Variants in RGS7 observed in about 807,000 individuals in gnomAD.
RGS7 encodes regulator of G-protein signaling 7.
A neutral mutation model predicts 81.1 loss-of-function variants in RGS7; 27 were observed. The observed-to-expected ratio is 0.33, with a 90% CI of 0.25 to 0.46. The LOEUF (loss-of-function observed/expected upper bound fraction) is 0.46. Ranked by LOEUF, RGS7 falls within the 20% of genes least tolerant of loss-of-function variation. The probability of loss-of-function intolerance (pLI) is 1.00; values close to 1 mark genes in which losing one functional copy is unlikely to be tolerated. For synonymous variants in RGS7, 208 were observed against 207.7 expected (o/e 1.00, Z -0.01); for missense variants, 396 against 607.4 (o/e 0.65, Z 3.66).
At chr1:241,300,844 C>T (rs1349591276) in intron 2 of RGS7, among the ~76,000 whole-genome samples, 1 of 152,208 alleles carries the variant, frequency 6.6e-6, no homozygotes, top group Non-Finnish European at 1.5e-5. Flanking sequence ...AAGTTTTCTT[C>T]CAAAGTGGCT....
intron 2 of RGS7, among the ~76,000 whole-genome samples, chr1:241,310,687 C>G (rs1340312532): frequency 1.3e-5 from 2 of 152,058 alleles, no homozygotes; most frequent in African/African-American, 4.8e-5. Context: ...ATAGCAGTGA[C>G]TGATGAGTGA....
At chr1:241,180,062 T>A (rs1201641187) in intron 2 of RGS7, among the ~76,000 whole-genome samples, 2 of 152,086 alleles carry the variant, frequency 1.3e-5, no homozygotes, top group Non-Finnish European at 2.9e-5. Context: ...ATATGAATCT[T>A]CAGTGGAATC....
At chr1:240,985,139 A>G (rs548551862) in intron 3 of RGS7, among the ~76,000 whole-genome samples, 19 of 152,324 alleles carry the variant, frequency 1.2e-4, no homozygotes, top group African/African-American at 4.1e-4. Context: ...CGATCTTCCC[A>G]TTGAAAAAGA....
chr1:241,042,183 A>G (rs12085204), intron 3 of RGS7, among the ~76,000 whole-genome samples: 10,753 of 152,252 alleles, frequency 0.071, 584 homozygotes, highest in African/African-American at 0.14. Context: ...CATATGTATC[A>G]TCTCTTAACT....
At chr1:241,219,418 T>C (rs546776469) in intron 2 of RGS7, among the ~76,000 whole-genome samples, 11 of 152,318 alleles carry the variant, frequency 7.2e-5, no homozygotes, top group African/African-American at 2.6e-4. Flanking sequence ...CATGGAACTG[T>C]AAGTCCAATT....
intron 5 of RGS7, among the ~76,000 whole-genome samples, chr1:240,933,626 C>T (rs1300690870): frequency 1.3e-5 from 2 of 151,936 alleles, no homozygotes; most frequent in Non-Finnish European, 2.9e-5. Context: ...TTCTACCATA[C>T]ATTAGGACAT....
intron 2 of RGS7, among the ~76,000 whole-genome samples, chr1:241,158,066 G>T (rs549833905): frequency 6.6e-6 from 1 of 151,580 alleles, no homozygotes; most frequent in African/African-American, 2.4e-5. Context: ...TGATCCGCCC[G>T]CCTCAGTCTC....
intron 2 of RGS7, among the ~76,000 whole-genome samples, chr1:241,243,207 T>C (rs781204567): frequency 6.6e-6 from 1 of 152,236 alleles, no homozygotes; most frequent in African/African-American, 2.4e-5. Flanking sequence ...TCACATTGCA[T>C]GTCAGATATT....
intron 18 of RGS7, among the ~76,000 whole-genome samples, chr1:240,788,256 T>C (rs936906710): frequency 6.6e-6 from 1 of 152,226 alleles, no homozygotes; most frequent in Admixed American, 6.5e-5. Flanking sequence ...AAATGCAGTA[T>C]GCCATATATT....
At chr1:241,296,827 C>A (rs2079454265) in intron 2 of RGS7, among the ~76,000 whole-genome samples, 1 of 152,210 alleles carries the variant, frequency 6.6e-6, no homozygotes, top group Admixed American at 6.5e-5. Context: ...ATGATGAAAT[C>A]TGTCATGCAG....
intron 6 of RGS7, among the ~76,000 whole-genome samples, chr1:240,928,202 T>C (rs1202580631): frequency 6.6e-6 from 1 of 152,202 alleles, no homozygotes; most frequent in Non-Finnish European, 1.5e-5. Flanking sequence ...TGGAAGGTTG[T>C]AGTGCGAAGG....
At chr1:241,012,731 T>G (rs1572258174) in intron 3 of RGS7, among the ~76,000 whole-genome samples, 1 of 152,274 alleles carries the variant, frequency 6.6e-6, no homozygotes, top group African/African-American at 2.4e-5. Flanking sequence ...AAAATCTACA[T>G]TGGTGAAATA....
At chr1:240,981,992 G>T (rs527236367) in intron 4 of RGS7, among the ~76,000 whole-genome samples, 1 of 152,322 alleles carries the variant, frequency 6.6e-6, no homozygotes, top group East Asian at 1.9e-4. Context: ...CTTTTCTGCA[G>T]TCACTGTAAT....
intron 10 of RGS7, among the ~76,000 whole-genome samples, chr1:240,821,009 A>G (rs1320258718): frequency 6.6e-6 from 1 of 152,186 alleles, no homozygotes; most frequent in Non-Finnish European, 1.5e-5. Flanking sequence ...GATTGTGACC[A>G]TATCTGACAC....
intron 2 of RGS7, among the ~76,000 whole-genome samples, chr1:241,259,667 A>AAAAAT: frequency 1.6e-4 from 8 of 49,144 alleles, no homozygotes; most frequent in Admixed American, 7.7e-4. Context: ...AAAAAAAAAA[A>AAAAAT]ATATATATAT....
intron 2 of RGS7, among the ~76,000 whole-genome samples, chr1:241,136,476 A>T (rs2067524346): frequency 1.3e-5 from 2 of 151,942 alleles, no homozygotes; most frequent in Admixed American, 1.3e-4. Flanking sequence ...GGTAGAGGGG[A>T]GTGTCACTCT....
At chr1:241,250,579 C>G (rs1219565904) in intron 2 of RGS7, among the ~76,000 whole-genome samples, 5 of 152,154 alleles carry the variant, frequency 3.3e-5, no homozygotes, top group Admixed American at 6.5e-5. Context: ...CAGGCCATGC[C>G]TTTCTCTCTT....
intron 9 of RGS7, among the ~76,000 whole-genome samples, chr1:240,846,350 C>G (rs1659083409): frequency 6.6e-6 from 1 of 152,136 alleles, no homozygotes; most frequent in African/African-American, 2.4e-5. Context: ...GAGAGACATT[C>G]TTTAGTTTAG....
intron 4 of RGS7, among the ~76,000 whole-genome samples, chr1:240,975,598 C>T (rs754321270): frequency 6.6e-6 from 1 of 152,064 alleles, no homozygotes; most frequent in African/African-American, 2.4e-5. Flanking sequence ...GCAAGGGGCA[C>T]AAATGAGCAA....
Sources: gnomAD v4.1 joint callset for allele counts (sites outside exome capture counted in the v4.1 genomes callset) on GRCh38, gnomAD v4.1.1 for gene constraint, MANE v1.5 for transcripts, NCBI Gene and HGNC (gene_info 2026-07-23, HGNC 2026-07-21) for gene names.